The following ZC3H18 variants were observed in gnomAD, a reference collection of about 807,000 sequenced individuals.
ZC3H18 encodes zinc finger CCCH-type containing 18, also known as zinc finger CCCH domain-containing protein 18.
A neutral mutation model predicts 106.1 loss-of-function variants in ZC3H18; 8 were observed. That is an observed-to-expected ratio of 0.08 (90% CI 0.04 to 0.14). The LOEUF is 0.14. Among genes scored for constraint, ZC3H18 ranks in the 10% least tolerant of loss-of-function variants. ZC3H18 has a pLI of 1.00. For synonymous variants in ZC3H18, 635 were observed against 522.1 expected (o/e 1.22, Z -2.95); for missense variants, 1,318 against 1,278.4 (o/e 1.03, Z -0.47).
Position 88,622,399 on chromosome 16 carries a change from C to A in ZC3H18, c.1667+11C>A. The A allele has an allele frequency of 6.3e-7, 1 of 1,594,868 alleles. No individual in the cohort carries two copies. The highest frequency in any genetic ancestry group is 8.6e-7 in the Non-Finnish European group (1 of 1,168,582). On this transcript the variant is annotated intron_variant, in intron 9 of 17. Coordinates refer to ENST00000301011, the MANE Select transcript of ZC3H18 (RefSeq NM_144604.4). ...CTCTAATTCCTCCAGGTAAGGAGGGCTCGTGGGACGGCTGGGGTGTCAGCA... is the reference window on the plus strand; with the variant it reads ...CTCTAATTCCTCCAGGTAAGGAGGGATCGTGGGACGGCTGGGGTGTCAGCA...
chr16:88,612,517 A>T (rs1401381225), intron 8 of ZC3H18, among the ~76,000 whole-genome samples: 3 of 151,374 alleles, frequency 2.0e-5, no homozygotes, highest in Admixed American at 1.3e-4. Flanking sequence ...AAAAAAAAAA[A>T]AAATTAAAAA....
At chr16:88,628,608 C>T (rs1684463365) in intron 15 of ZC3H18, 150 bp from the exon 16 acceptor site, 4 of 773,780 alleles carry the variant, frequency 5.2e-6, no homozygotes, top group Non-Finnish European at 8.5e-6. Flanking sequence ...GTCCTGGAGG[C>T]CTCACTCAGG....
chr16:88,599,064 G>T (rs906276210), intron 5 of ZC3H18, among the ~76,000 whole-genome samples: 1 of 152,206 alleles, frequency 6.6e-6, no homozygotes, highest in Non-Finnish European at 1.5e-5. Context: ...CAGCAGCCCA[G>T]TAGGCCAGGG....
chr16:88,619,688 A>C (rs1182169102), intron 8 of ZC3H18, among the ~76,000 whole-genome samples: 1 of 152,124 alleles, frequency 6.6e-6, no homozygotes, highest in Non-Finnish European at 1.5e-5. Flanking sequence ...GGCAGGGGGC[A>C]AGCAGACGCT....
At position 88,628,102 on chromosome 16, in the gene ZC3H18, T is replaced by A; in HGVS notation, c.2452T>A (p.Leu818Met). 6.2e-7 allele frequency: 1 copy of A among 1,613,838 alleles called. No individual in the cohort carries two copies. Among genetic ancestry groups the A allele is most frequent in the East Asian group, 2.2e-5 (1 of 44,872 alleles). Reference sequence around the variant, plus strand: ...ATTTGTGGCCCACAAGGAGATCAAGTTGACACTGTTGAATAAGGTGAGGGC... The same window carrying A: ...ATTTGTGGCCCACAAGGAGATCAAGATGACACTGTTGAATAAGGTGAGGGC... ...GTFVAHKEIKLTLLNKAADKG... is the reference protein window; with the variant it reads ...GTFVAHKEIKMTLLNKAADKG... The change falls in exon 15 of 18, where the codon TTG (leucine) becomes ATG (methionine). Residue 818 changes from leucine to methionine, a missense_variant. Leu to Met is a conservative substitution (Grantham distance 15). Transcript: ENST00000301011.
At chr16:88,621,825 A>G (rs966375541) in intron 8 of ZC3H18, among the ~76,000 whole-genome samples, 1 of 152,210 alleles carries the variant, frequency 6.6e-6, no homozygotes, top group Non-Finnish European at 1.5e-5. Flanking sequence ...ACCTACTAGT[A>G]TATCAGCACT....
At chr16:88,603,536 T>C (rs1027050281) in intron 6 of ZC3H18, among the ~76,000 whole-genome samples, 17 of 150,978 alleles carry the variant, frequency 1.1e-4, no homozygotes, top group African/African-American at 3.9e-4. Context: ...GGCAGGAGAA[T>C]TGCTCGAACC....
intron 2 of ZC3H18, among the ~76,000 whole-genome samples, chr16:88,585,557 G>A (rs1314004194): frequency 6.6e-6 from 1 of 152,200 alleles, no homozygotes; most frequent in African/African-American, 2.4e-5. Context: ...CTGTCGTAGG[G>A]GGAGCTCAGG....
At position 88,572,957 on chromosome 16, in the gene ZC3H18, CTG is replaced by C. The variant is rs1463913568; in HGVS notation, c.-15+2395_-15+2396del. 4.6e-5 allele frequency among the ~76,000 whole-genome samples: 7 copies of C among 152,086 alleles called. No homozygotes were observed. The East Asian group carries it at 1.4e-3, about 29-fold the overall frequency. Reference sequence around the variant, plus strand: ...ATTTTTAGTAGAGACAGGGGTTTCACTGTGTTGGCCAAGGTGATCTCGAACTC... The same window carrying C: ...ATTTTTAGTAGAGACAGGGGTTTCACTGTTGGCCAAGGTGATCTCGAACTC... On this transcript the variant is annotated intron_variant, in intron 1 of 17. Transcript: ENST00000301011.
At chr16:88,594,586 G>C (rs1400526936) in intron 3 of ZC3H18, among the ~76,000 whole-genome samples, 1 of 152,054 alleles carries the variant, frequency 6.6e-6, no homozygotes, top group African/African-American at 2.4e-5. Flanking sequence ...CCTTTCTGTA[G>C]TTACATTGTT....
chr16:88,578,728 G>A (rs1006589114), intron 2 of ZC3H18, among the ~76,000 whole-genome samples: 2 of 152,142 alleles, frequency 1.3e-5, no homozygotes, highest in African/African-American at 4.8e-5. Flanking sequence ...AGTCTACCCT[G>A]TAACCCAGGC....
chr16:88,630,974 C>G, intron 17 of ZC3H18, 127 bp from the exon 18 acceptor site: 5 of 1,208,776 alleles, frequency 4.1e-6, no homozygotes, highest in South Asian at 2.7e-5. Context: ...GCCTGGCCAT[C>G]CAGGGAGCCC....
chr16:88,630,602 G>A (rs748123411), intron 17 of ZC3H18, 21 bp downstream of exon 17: 1 of 1,585,598 alleles, frequency 6.3e-7, no homozygotes, highest in Non-Finnish European at 8.5e-7. Flanking sequence ...CCCAGCATGT[G>A]CCCTGGGCAC....
At chr16:88,620,195 G>A (rs1240457070) in intron 8 of ZC3H18, among the ~76,000 whole-genome samples, 2 of 152,242 alleles carry the variant, frequency 1.3e-5, no homozygotes, top group Non-Finnish European at 2.9e-5. Flanking sequence ...GTGTTGTCGT[G>A]TGACGTAAGC....
chr16:88,576,671 A>G (rs1914771205), intron 1 of ZC3H18, among the ~76,000 whole-genome samples: 1 of 152,208 alleles, frequency 6.6e-6, no homozygotes, highest in African/African-American at 2.4e-5. Flanking sequence ...TGACTCCAGA[A>G]AAATGGTGAG....
chr16:88,601,809 C>T (rs987353583), intron 6 of ZC3H18, among the ~76,000 whole-genome samples: 1 of 152,118 alleles, frequency 6.6e-6, no homozygotes, highest in Non-Finnish European at 1.5e-5. Context: ...ATGCCTCCCC[C>T]GAGACCTGGT....
At chr16:88,573,951 C>G (rs1437763108) in intron 1 of ZC3H18, among the ~76,000 whole-genome samples, 2 of 151,788 alleles carry the variant, frequency 1.3e-5, no homozygotes, top group Non-Finnish European at 2.9e-5. Context: ...TGGCTCACTG[C>G]AACCTCCGCC....
At chr16:88,613,284 C>G (rs1326065819) in intron 8 of ZC3H18, among the ~76,000 whole-genome samples, 1 of 152,198 alleles carries the variant, frequency 6.6e-6, no homozygotes, top group East Asian at 1.9e-4. Context: ...TTGTTTCCAG[C>G]TTTTGGCTGT....
In ZC3H18 at chr16:88,623,336, C is replaced by G; in HGVS notation, c.1785C>G (p.Ser595Arg). ...CCAGACACAGCTCGTTCTCAGGAAG[C>G]CGGTCCAGGTATGTCCCCAGGGCCC... Reference protein sequence around the residue: ...RSSRHSSFSGSRSRSRSFSSS... With the variant: ...RSSRHSSFSGRRSRSRSFSSS... Residue 595 changes from serine (S) to arginine (R), a missense_variant, in exon 10 of 18, where the codon AGC (serine) becomes AGG (arginine). Ser to Arg is a moderately radical substitution (Grantham distance 110). Transcript: ENST00000301011. The G allele has an allele frequency of 6.2e-7, 1 of 1,613,328 alleles. No individual in the cohort carries two copies. The highest frequency in any genetic ancestry group is 8.5e-7 in the Non-Finnish European group (1 of 1,179,930).
Sources: gnomAD v4.1 joint callset for allele counts (sites outside exome capture counted in the v4.1 genomes callset) on GRCh38, gnomAD v4.1.1 for gene constraint, MANE v1.5 for transcripts, NCBI Gene and HGNC (gene_info 2026-07-23, HGNC 2026-07-21) for gene names.